Variants in STIM1 observed in about 807,000 individuals in gnomAD.
STIM1 encodes stromal interaction molecule 1.
STIM1 carries 25 observed loss-of-function variants against 74.7 expected under a neutral mutation model. That is an observed-to-expected ratio of 0.33 (90% CI 0.24 to 0.47). The LOEUF (loss-of-function observed/expected upper bound fraction) is 0.47. Among genes scored for constraint, STIM1 ranks in the 20% least tolerant of loss-of-function variants. STIM1 has a pLI of 1.00. For missense variants in STIM1, 728 were observed against 920.8 expected, an observed-to-expected ratio of 0.79 and a Z score of 2.71; for synonymous variants, 328 against 348.8, an observed-to-expected ratio of 0.94 and a Z score of 0.66.
chr11:4,086,288 A>C, intron 11 of STIM1, 189 bp from the exon 12 acceptor site: 1 of 632,040 alleles, frequency 1.6e-6, no homozygotes. Context: ...TGACCTGGGC[A>C]CTTCATCTTC....
At chr11:4,068,230 A>G (rs2094380736) in intron 5 of STIM1, among the ~76,000 whole-genome samples, 1 of 152,210 alleles carries the variant, frequency 6.6e-6, no homozygotes, top group African/African-American at 2.4e-5. Context: ...AAAATAATAG[A>G]TCTGGTTCCA....
rs60668148 is a variant in STIM1, at chr11:3,885,059, C to G, written c.139+28650C>G. 5.2e-3 allele frequency among the ~76,000 whole-genome samples: 792 copies of G among 151,906 alleles called. 8 individuals are homozygous for G. Among genetic ancestry groups the G allele is most frequent in the African/African-American group, 0.018 (764 of 41,406 alleles). On this transcript the variant is annotated intron_variant, in intron 1 of 12. Transcript: ENST00000526596. The stretch of plus-strand genomic sequence containing the variant: ...TTCTTTTTGGGGTAATGAAAATATT[C>G]TGAAAAATTAGATTGTGGTGATGAT...
At chr11:3,917,655 G>C (rs1333084163) in intron 1 of STIM1, among the ~76,000 whole-genome samples, 1 of 152,090 alleles carries the variant, frequency 6.6e-6, no homozygotes, top group East Asian at 1.9e-4. Context: ...GGCTGGTGTT[G>C]AACTCCTGGA....
At chr11:4,030,565 C>T (rs925570186) in intron 3 of STIM1, among the ~76,000 whole-genome samples, 2 of 152,140 alleles carry the variant, frequency 1.3e-5, no homozygotes, top group African/African-American at 4.8e-5. Context: ...ACCATCAAGT[C>T]ATTTAGTTAA....
At chr11:3,857,008 T>C (rs2090400813) in intron 1 of STIM1, among the ~76,000 whole-genome samples, 1 of 152,048 alleles carries the variant, frequency 6.6e-6, no homozygotes, top group African/African-American at 2.4e-5. Flanking sequence ...TGGCCTTTTC[T>C]TGACATAGAC....
intron 1 of STIM1, among the ~76,000 whole-genome samples, chr11:3,862,525 A>G (rs951856578): frequency 6.6e-6 from 1 of 152,060 alleles, no homozygotes; most frequent in Non-Finnish European, 1.5e-5. Context: ...AGGAGGTGCT[A>G]CCTCTTCTGT....
chr11:3,906,370 A>C (rs1347790747), intron 1 of STIM1, among the ~76,000 whole-genome samples: 1 of 152,170 alleles, frequency 6.6e-6, no homozygotes, highest in Non-Finnish European at 1.5e-5. Context: ...TAAGGTAGGG[A>C]CTGTGTTTTA....
intron 2 of STIM1, among the ~76,000 whole-genome samples, chr11:4,020,123 T>C (rs536054567): frequency 6.6e-6 from 1 of 152,342 alleles, no homozygotes; most frequent in Non-Finnish European, 1.5e-5. Flanking sequence ...ATGACAGAAT[T>C]TCATTCTTTT....
intron 1 of STIM1, among the ~76,000 whole-genome samples, chr11:3,928,590 G>A (rs2092818710): frequency 6.6e-6 from 1 of 151,970 alleles, no homozygotes; most frequent in African/African-American, 2.4e-5. Context: ...GTTTAGCCCG[G>A]GGATGTGTGT....
chr11:3,963,497 T>C (rs186422447), intron 1 of STIM1, among the ~76,000 whole-genome samples: 5 of 152,368 alleles, frequency 3.3e-5, no homozygotes, highest in Admixed American at 6.5e-5. Context: ...TAAAAGATGT[T>C]ATGCATATAA....
chr11:4,033,656 C>A (rs2094072173), intron 3 of STIM1, among the ~76,000 whole-genome samples: 1 of 151,476 alleles, frequency 6.6e-6, no homozygotes, highest in Non-Finnish European at 1.5e-5. Flanking sequence ...AGTGCAGTGG[C>A]ATGATCTTGG....
intron 2 of STIM1, among the ~76,000 whole-genome samples, chr11:4,019,614 A>G (rs1293918046): frequency 6.6e-6 from 1 of 152,108 alleles, no homozygotes; most frequent in African/African-American, 2.4e-5. Flanking sequence ...ACAGAGCGAG[A>G]CACTGTCTCA....
intron 1 of STIM1, among the ~76,000 whole-genome samples, chr11:3,865,506 G>A (rs2090819811): frequency 1.3e-5 from 2 of 152,152 alleles, no homozygotes; most frequent in African/African-American, 4.8e-5. Context: ...GTCAAGTGCT[G>A]CTTCTTTGGA....
At chr11:3,895,724 T>C (rs1285927082) in intron 1 of STIM1, among the ~76,000 whole-genome samples, 1 of 40,546 alleles carries the variant, frequency 2.5e-5, no homozygotes, top group African/African-American at 1.6e-4. Flanking sequence ...CTTTCTTTCT[T>C]TCTTTCTTTC....
At position 3,885,297 on chromosome 11, in the gene STIM1, G is replaced by A. The variant is rs1290358979; in HGVS notation, c.139+28888G>A. On this transcript the variant is annotated intron_variant, in intron 1 of 12. Coordinates refer to ENST00000526596, the MANE Select transcript of STIM1 (RefSeq NM_001382567.1). ...GGGCTCAACCAATCCTTCCACTTCA[G>A]CCTCCCAAGTAGCTGGGGCTATAGA... Among the ~76,000 whole-genome samples the A allele has an allele frequency of 4.6e-5, 7 of 151,772 alleles. No individual in the cohort carries two copies. In the East Asian group the frequency reaches 7.7e-4, roughly 17 times the overall value.
intron 1 of STIM1, among the ~76,000 whole-genome samples, chr11:3,889,050 G>C (rs2091819048): frequency 6.6e-6 from 1 of 150,938 alleles, no homozygotes; most frequent in African/African-American, 2.4e-5. Flanking sequence ...TGTACAAAGA[G>C]GTGATGCATC....
At chr11:3,894,710 A>G (rs2092003412) in intron 1 of STIM1, among the ~76,000 whole-genome samples, 2 of 152,000 alleles carry the variant, frequency 1.3e-5, no homozygotes, top group Non-Finnish European at 2.9e-5. Context: ...ACAAAGAATG[A>G]AGGGTATCTT....
chr11:4,091,628 G>A lies in STIM1; in HGVS notation c.1981G>A (p.Val661Ile), dbSNP rs1590703566. ...SSPDPDTPSP[V>I]GDSRALQASR... ...CCCAGACCCAGACACACCATCTCCAGTTGGGGACAGCCGAGCCCTGCAAGC... is the reference window on the plus strand; with the variant it reads ...CCCAGACCCAGACACACCATCTCCAATTGGGGACAGCCGAGCCCTGCAAGC... The change falls in exon 13 of 13, where the codon GTT becomes ATT. Residue 661 changes from valine (V) to isoleucine (I), a missense_variant. Val to Ile is a conservative substitution (Grantham distance 29, BLOSUM62 3). Around this residue, in one of 5 missense-constraint regions of STIM1, gnomAD observed 352 missense variants for 370.1 expected, o/e 0.95. Coordinates refer to ENST00000526596, the MANE Select transcript of STIM1 (RefSeq NM_001382567.1). The A allele has an allele frequency of 6.2e-7, 1 of 1,614,200 alleles. No homozygotes were observed. The highest frequency in any genetic ancestry group is 2.2e-5 in the East Asian group (1 of 44,882).
chr11:3,855,954 G>T lies in STIM1; in HGVS notation c.-317G>T. The T allele has an allele frequency of 2.6e-6, 1 of 391,198 alleles. No homozygotes were observed. Among genetic ancestry groups the T allele is most frequent in the Non-Finnish European group, 4.8e-6 (1 of 206,898 alleles). 24.2% of individuals were successfully genotyped at this position (391,198 alleles called of 1,614,324 possible). On this transcript the variant is annotated 5_prime_UTR_variant, in exon 1 of 13. Transcript: ENST00000526596. ...AGACTCCGGCCGCCCCCTTCCGCAG[G>T]GGTGTAGTAATCTGCGGAGCTGACA...
Sources: gnomAD v4.1 joint callset for allele counts (sites outside exome capture counted in the v4.1 genomes callset) on GRCh38, gnomAD v4.1.1 for gene constraint, gnomAD v4.1.1 regional missense constraint, MANE v1.5 for transcripts, NCBI Gene and HGNC (gene_info 2026-07-23, HGNC 2026-07-21) for gene names.